Variants in NECTIN4 observed in about 807,000 individuals in gnomAD.
The protein encoded by NECTIN4 is nectin cell adhesion molecule 4.
NECTIN4 carries 19 observed loss-of-function variants against 51.7 expected under a neutral mutation model. The observed-to-expected ratio is 0.37, with a 90% CI of 0.26 to 0.54. NECTIN4 has a LOEUF of 0.54. Ranked by LOEUF, NECTIN4 falls within the 20% of genes least tolerant of loss-of-function variation. The probability of loss-of-function intolerance (pLI) is 0.86; values close to 1 mark genes in which losing one functional copy is unlikely to be tolerated. For synonymous variants in NECTIN4, 283 were observed against 286.9 expected, an observed-to-expected ratio of 0.99 and a Z score of 0.14; for missense variants, 619 against 662.4, an observed-to-expected ratio of 0.93 and a Z score of 0.72.
intron 4 of NECTIN4, among the ~76,000 whole-genome samples, chr1:161,074,968 A>G (rs573226725): frequency 1.3e-5 from 2 of 151,412 alleles, no homozygotes; most frequent in South Asian, 4.2e-4. Context: ...CCCCACACAC[A>G]CCCGGGGAAG....
At chr1:161,084,217 TA>T (rs908005021) in intron 1 of NECTIN4, among the ~76,000 whole-genome samples, 1 of 152,176 alleles carries the variant, frequency 6.6e-6, no homozygotes, top group African/African-American at 2.4e-5. Context: ...TGTCTTATCT[TA>T]GGGGCATATA....
At chr1:161,073,683 A>C in intron 7 of NECTIN4, 37 bp downstream of exon 7, 1 of 1,565,766 alleles carries the variant, frequency 6.4e-7, no homozygotes, top group African/African-American at 1.4e-5. Flanking sequence ...CAATGCGACC[A>C]CACCCCTGCA....
Position 161,076,406 on chromosome 1 carries a change from A to G in NECTIN4, c.800T>C (p.Met267Thr). 6.2e-7 allele frequency: 1 copy of G among 1,614,228 alleles called. No homozygotes were observed. Reference sequence around the variant, plus strand: ...CTGCCCTTCACTCAGGCACTTGAGCATAGCTCCTTCTCTGCCAATGTGCCA... The same window carrying G: ...CTGCCCTTCACTCAGGCACTTGAGCGTAGCTCCTTCTCTGCCAATGTGCCA... ...NLWHIGREGA[M>T]LKCLSEGQPP... The change falls in exon 4 of 9, where the codon ATG becomes ACG. Residue 267 changes from methionine to threonine, a missense_variant. Met to Thr is a moderately conservative substitution (Grantham distance 81, BLOSUM62 -1). Transcript: ENST00000368012.
chr1:161,077,805 C>A (rs1653488648), intron 2 of NECTIN4, 62 bp from the exon 3 acceptor site: 3 of 1,470,664 alleles, frequency 2.0e-6, no homozygotes, highest in Admixed American at 1.9e-5. Flanking sequence ...GGCCCCCACT[C>A]ATCGCATTTC....
intron 6 of NECTIN4, among the ~76,000 whole-genome samples, 179 bp from the exon 7 acceptor site, chr1:161,073,974 G>A (rs4656978): frequency 0.74 from 112,039 of 152,088 alleles, 41,330 homozygotes; most frequent in Middle Eastern, 0.79. Context: ...TGCTGTGTGC[G>A]TGTGCATACT....
In NECTIN4 at chr1:161,077,575, G is replaced by A. The variant is rs774621220; in HGVS notation, c.608C>T (p.Ala203Val). Reference protein sequence around the residue: ...SRSFKHSRSAAVTSEFHLVPS... With the variant: ...SRSFKHSRSAVVTSEFHLVPS... ...CACCAAGTGGAACTCTGAGGTGACG[G>A]CAGCAGAGCGGGAGTGCTTGAAGGA... Residue 203 changes from alanine (A) to valine (V), a missense_variant, in exon 3 of 9, where the codon GCC becomes GTC. By Grantham distance (64) the Ala-to-Val change is moderately conservative (BLOSUM62 0). Around this residue, in one of 3 missense-constraint regions of NECTIN4, gnomAD observed 364 missense variants for 415.7 expected, o/e 0.88. Coordinates refer to ENST00000368012, the MANE Select transcript of NECTIN4 (RefSeq NM_030916.3). 6.2e-7 allele frequency: 1 copy of A among 1,614,014 alleles called. No individual in the cohort carries two copies. The highest frequency in any genetic ancestry group is 8.5e-7 in the Non-Finnish European group (1 of 1,180,042).
chr1:161,085,686 CTTCGCCTCCTCTTTTTTT>C (rs1451310539), intron 1 of NECTIN4, among the ~76,000 whole-genome samples: 2 of 150,266 alleles, frequency 1.3e-5, no homozygotes, highest in Non-Finnish European at 3.0e-5. Flanking sequence ...CAGTTCTGAA[CTTCGCCTCCTCTTTTTTT>C]TTTTTTTTTT....
chr1:161,074,777 T>C lies in NECTIN4; in HGVS notation c.852-18A>G, dbSNP rs1358976844. On this transcript the variant is annotated intron_variant, in intron 4 of 8. Coordinates refer to ENST00000368012, the MANE Select transcript of NECTIN4 (RefSeq NM_030916.3). ...CATCCAGCCTGGAAGACAGGGAAGC[T>C]GAAGGGTGCCAGCCGGGAAGGGCTG... The C allele has an allele frequency of 6.2e-7, 1 of 1,611,796 alleles. No individual in the cohort carries two copies. Among genetic ancestry groups the C allele is most frequent in the African/African-American group, 1.3e-5 (1 of 74,996 alleles).
At position 161,074,319 on chromosome 1, in the gene NECTIN4, A is replaced by G. The variant is rs745769064; in HGVS notation, c.1055T>C (p.Val352Ala). 1 of 1,613,344 alleles carries G rather than the reference A, an allele frequency of 6.2e-7. No homozygotes were observed. The highest frequency in any genetic ancestry group is 8.5e-7 in the Non-Finnish European group (1 of 1,179,816). ...QVDLVSASVV[V>A]VGVIAALLFC... The stretch of plus-strand genomic sequence containing the variant: ...CAAGAGTGCGGCGATCACACCCACC[A>G]CCACCACCGAGGCTGACACTAGGTC... The change falls in exon 6 of 9, where the codon GTG becomes GCG. Residue 352 changes from valine to alanine, a missense_variant. By Grantham distance (64) the Val-to-Ala change is moderately conservative (BLOSUM62 0). Coordinates refer to ENST00000368012, the MANE Select transcript of NECTIN4 (RefSeq NM_030916.3).
intron 1 of NECTIN4, chr1:161,084,843 G>C (rs1047766452): frequency 2.6e-5 from 4 of 151,850 alleles, no homozygotes; most frequent in African/African-American, 9.7e-5. Context: ...GTTTGGGGGG[G>C]TGAGGGGAAT....
chr1:161,079,496 G>C, intron 2 of NECTIN4, 94 bp downstream of exon 2: 2 of 1,513,090 alleles, frequency 1.3e-6, no homozygotes, highest in Non-Finnish European at 8.9e-7. Context: ...TTTTATTCCT[G>C]TTCTACCTCT....
rs556990300 is a variant in NECTIN4, at chr1:161,075,424, C to A, written c.852-665G>T. The stretch of plus-strand genomic sequence containing the variant: ...CTGTCTTGTCCATTTTATGCACTCA[C>A]ATAAATATATAAAATATTAATATCG... On this transcript the variant is annotated intron_variant, in intron 4 of 8. Coordinates refer to ENST00000368012, the MANE Select transcript of NECTIN4 (RefSeq NM_030916.3). Among the ~76,000 whole-genome samples, 3 of 152,354 alleles carry A rather than the reference C, an allele frequency of 2.0e-5. No individual in the cohort carries two copies. In the South Asian group the frequency reaches 6.2e-4, roughly 32 times the overall value.
rs1211733605 is a variant in NECTIN4, at chr1:161,073,260, C to T, written c.1273G>A (p.Asp425Asn). ...SVGLRAEGHP[D>N]SLKDNSSCSV... ...CAGCTACTGTTGTCCTTGAGACTATCAGGGTGGCCCTCGGCTCTCAGCCCT... is the reference window on the plus strand; with the variant it reads ...CAGCTACTGTTGTCCTTGAGACTATTAGGGTGGCCCTCGGCTCTCAGCCCT... The change falls in exon 8 of 9, where the codon GAT becomes AAT. Residue 425 changes from aspartate (D) to asparagine (N), a missense_variant. Coordinates refer to ENST00000368012, the MANE Select transcript of NECTIN4 (RefSeq NM_030916.3). 4 of 1,614,074 alleles carry T rather than the reference C, an allele frequency of 2.5e-6. No homozygotes were observed. In the South Asian group the frequency reaches 4.4e-5, roughly 18 times the overall value.
In NECTIN4 at chr1:161,074,717, G is replaced by A. The variant is rs1320026313; in HGVS notation, c.894C>T (p.Asp298=). Residue 298 remains aspartate, a synonymous_variant, in exon 5 of 9, where the codon GAC becomes GAT. Coordinates refer to ENST00000368012, the MANE Select transcript of NECTIN4 (RefSeq NM_030916.3). ...PLPSGVRVDG[D]TLGFPPLTTE... Reference sequence around the variant, plus strand: ...TGGTCAGTGGGGGAAAGCCCAAAGTGTCCCCATCCACTCGTACCCCACTGG... The same window carrying A: ...TGGTCAGTGGGGGAAAGCCCAAAGTATCCCCATCCACTCGTACCCCACTGG... 1 of 1,614,108 alleles carries A rather than the reference G, an allele frequency of 6.2e-7. No homozygotes were observed. The highest frequency in any genetic ancestry group is 1.1e-5 in the South Asian group (1 of 91,080).
At chr1:161,088,979 G>T (rs997131217) in intron 1 of NECTIN4, among the ~76,000 whole-genome samples, 8 of 152,040 alleles carry the variant, frequency 5.3e-5, no homozygotes, top group African/African-American at 1.9e-4. Flanking sequence ...GAGGTGTCAG[G>T]GATCCCAGAC....
rs569174746 is a variant in NECTIN4 at position 161,071,417 on chromosome 1, C to T, written c.*1244G>A. 2 of 152,456 alleles carry T rather than the reference C, an allele frequency of 1.3e-5. No homozygotes were observed. The highest frequency in any genetic ancestry group is 1.9e-4 in the East Asian group (1 of 5,194). The allele number at this position is 152,456 out of a possible 1,614,324, so 9.4% of individuals were successfully genotyped here. Reference sequence around the variant, plus strand: ...ACTGCTCTCTCTCTCCCCAACACCACTATTGAACAGGAGCCCTTGTCACCA... The same window carrying T: ...ACTGCTCTCTCTCTCCCCAACACCATTATTGAACAGGAGCCCTTGTCACCA... On this transcript the variant is annotated 3_prime_UTR_variant, in exon 9 of 9. Transcript: ENST00000368012.
intron 5 of NECTIN4, 96 bp downstream of exon 5, chr1:161,074,515 A>G: frequency 6.3e-7 from 1 of 1,581,682 alleles, no homozygotes; most frequent in Non-Finnish European, 8.7e-7. Flanking sequence ...CTCTGAATAA[A>G]CACTTTCCCA....
chr1:161,077,441 C>G lies in NECTIN4; in HGVS notation c.730+12G>C. On this transcript the variant is annotated intron_variant, in intron 3 of 8. Coordinates refer to ENST00000368012, the MANE Select transcript of NECTIN4 (RefSeq NM_030916.3). Reference sequence around the variant, plus strand: ...CCCTTGGGCCTCCCTACCCAAGCATCCAAGTACTTACAGGACACGTGGAGG... The same window carrying G: ...CCCTTGGGCCTCCCTACCCAAGCATGCAAGTACTTACAGGACACGTGGAGG... 2 of 1,614,064 alleles carry G rather than the reference C, an allele frequency of 1.2e-6. No individual in the cohort carries two copies. Among genetic ancestry groups the G allele is most frequent in the East Asian group, 2.2e-5 (1 of 44,884 alleles).
At position 161,077,551 on chromosome 1, in the gene NECTIN4, A is replaced by G; in HGVS notation, c.632T>C (p.Val211Ala). Residue 211 changes from valine (V) to alanine (A), a missense_variant, in exon 3 of 9, where the codon GTG becomes GCG. By Grantham distance (64) the Val-to-Ala change is moderately conservative. Transcript: ENST00000368012. ...SAAVTSEFHL[V>A]PSRSMNGQPL... ...CTGCCCATTCATGCTGCGGCTAGGCACCAAGTGGAACTCTGAGGTGACGGC... is the reference window on the plus strand; with the variant it reads ...CTGCCCATTCATGCTGCGGCTAGGCGCCAAGTGGAACTCTGAGGTGACGGC... 6.2e-7 allele frequency: 1 copy of G among 1,614,044 alleles called. No individual in the cohort carries two copies. Among genetic ancestry groups the G allele is most frequent in the Non-Finnish European group, 8.5e-7 (1 of 1,180,042 alleles).
Sources: gnomAD v4.1 joint callset for allele counts (sites outside exome capture counted in the v4.1 genomes callset) on GRCh38, gnomAD v4.1.1 for gene constraint, gnomAD v4.1.1 regional missense constraint, MANE v1.5 for transcripts, NCBI Gene and HGNC (gene_info 2026-07-23, HGNC 2026-07-21) for gene names.